Variants in CLYBL observed in about 807,000 individuals in gnomAD.
CLYBL encodes the protein citramalyl-CoA lyase, mitochondrial.
CLYBL carries 31 observed loss-of-function variants against 38.9 expected under a neutral mutation model. That is an observed-to-expected ratio of 0.80 (90% CI 0.60 to 1.08). CLYBL has a LOEUF of 1.08. Among genes scored for constraint, CLYBL ranks in the 50% least tolerant of loss-of-function variants. The pLI is 0.00. For missense variants in CLYBL, 434 were observed against 411.6 expected, an observed-to-expected ratio of 1.05 and a Z score of -0.47; for synonymous variants, 171 against 158.6, an observed-to-expected ratio of 1.08 and a Z score of -0.59.
At chr13:99,802,036 A>G (rs1175238011) in intron 2 of CLYBL, among the ~76,000 whole-genome samples, 1 of 152,164 alleles carries the variant, frequency 6.6e-6, no homozygotes, top group Non-Finnish European at 1.5e-5. Flanking sequence ...AAAAACAAAA[A>G]AACACACATC....
chr13:99,828,790 T>G (rs1351008594), intron 2 of CLYBL, among the ~76,000 whole-genome samples: 1 of 152,216 alleles, frequency 6.6e-6, no homozygotes, highest in Non-Finnish European at 1.5e-5. Context: ...TCTTTTTTTC[T>G]TTCTTGCTCA....
intron 1 of CLYBL, among the ~76,000 whole-genome samples, chr13:99,695,796 G>T (rs570173926): frequency 1.1e-4 from 17 of 152,272 alleles, no homozygotes; most frequent in African/African-American, 4.1e-4. Context: ...GGGATTACAG[G>T]AATGAGCCAC....
chr13:99,673,161 C>T (rs1261545486), intron 1 of CLYBL, among the ~76,000 whole-genome samples: 1 of 152,100 alleles, frequency 6.6e-6, no homozygotes, highest in Non-Finnish European at 1.5e-5. Flanking sequence ...GCCTGTAATC[C>T]CAGCACTTTG....
At chr13:99,683,073 ATGTTT>A (rs1269338511) in intron 1 of CLYBL, among the ~76,000 whole-genome samples, 2 of 146,354 alleles carry the variant, frequency 1.4e-5, no homozygotes, top group African/African-American at 5.1e-5. Flanking sequence ...ATATATATAT[ATGTTT>A]TGTTTTGTTT....
chr13:99,851,738 G>A (rs193202337), intron 2 of CLYBL, among the ~76,000 whole-genome samples: 5 of 152,288 alleles, frequency 3.3e-5, no homozygotes, highest in Admixed American at 2.6e-4. Context: ...CACACAGCTG[G>A]CAGGAGCAGA....
At chr13:99,757,265 A>G (rs141492376) in intron 1 of CLYBL, among the ~76,000 whole-genome samples, 9 of 152,130 alleles carry the variant, frequency 5.9e-5, no homozygotes, top group Non-Finnish European at 1.3e-4. Flanking sequence ...AAGTTTGTGG[A>G]AACCTGATTG....
intron 1 of CLYBL, among the ~76,000 whole-genome samples, chr13:99,767,849 T>C (rs2049298441): frequency 6.6e-6 from 1 of 152,242 alleles, no homozygotes; most frequent in African/African-American, 2.4e-5. Context: ...CATACGTCAT[T>C]ATCTTGATGT....
chr13:99,804,611 A>T (rs2138956945), intron 2 of CLYBL, among the ~76,000 whole-genome samples: 1 of 152,190 alleles, frequency 6.6e-6, no homozygotes, highest in South Asian at 2.1e-4. Context: ...CTGCCTTTAT[A>T]CCTGAAATGT....
At chr13:99,695,804 C>T (rs2047970994) in intron 1 of CLYBL, among the ~76,000 whole-genome samples, 1 of 152,152 alleles carries the variant, frequency 6.6e-6, no homozygotes, top group Non-Finnish European at 1.5e-5. Flanking sequence ...AGGAATGAGC[C>T]ACCGTCCCCA....
intron 2 of CLYBL, among the ~76,000 whole-genome samples, chr13:99,846,286 ATTTTTTTTTT>A (rs5806139): frequency 9.2e-6 from 1 of 108,144 alleles, no homozygotes; most frequent in Non-Finnish European, 1.9e-5. Flanking sequence ...TTGTGTGGAG[ATTTTTTTTTT>A]TTTTTTTTTT....
At chr13:99,852,969 T>G (rs9517899) in intron 2 of CLYBL, among the ~76,000 whole-genome samples, 1 of 152,024 alleles carries the variant, frequency 6.6e-6, no homozygotes, top group Non-Finnish European at 1.5e-5. Context: ...TACTCCTGCA[T>G]GCATATGAAT....
intron 1 of CLYBL, among the ~76,000 whole-genome samples, chr13:99,608,752 A>G (rs1178158235): frequency 1.3e-5 from 2 of 149,822 alleles, no homozygotes; most frequent in African/African-American, 2.5e-5. Flanking sequence ...TCCTTTGAGC[A>G]TTTTAAAGCG....
intron 1 of CLYBL, among the ~76,000 whole-genome samples, chr13:99,767,343 TA>T (rs2049288997): frequency 6.6e-6 from 1 of 152,204 alleles, no homozygotes; most frequent in Non-Finnish European, 1.5e-5. Flanking sequence ...GGGTGGGTAC[TA>T]AAGCCAGCTT....
chr13:99,825,690 G>T (rs565479352), intron 2 of CLYBL, among the ~76,000 whole-genome samples: 72 of 152,312 alleles, frequency 4.7e-4, no homozygotes, highest in African/African-American at 1.7e-3. Flanking sequence ...AGAGCACATC[G>T]TGCTCACAGG....
intron 1 of CLYBL, among the ~76,000 whole-genome samples, chr13:99,759,058 C>G (rs1307312325): frequency 6.6e-6 from 1 of 152,222 alleles, no homozygotes; most frequent in Non-Finnish European, 1.5e-5. Context: ...AGTTGCCTTT[C>G]TGCTCTTCCA....
At chr13:99,880,356 C>T (rs940719048) in intron 7 of CLYBL, among the ~76,000 whole-genome samples, 1 of 152,156 alleles carries the variant, frequency 6.6e-6, no homozygotes, top group African/African-American at 2.4e-5. Flanking sequence ...TGAGCCACTG[C>T]ACCTGGCCCT....
At chr13:99,616,214 C>T (rs1291249711) in intron 1 of CLYBL, among the ~76,000 whole-genome samples, 2 of 141,866 alleles carry the variant, frequency 1.4e-5, no homozygotes, top group African/African-American at 2.6e-5. Flanking sequence ...AGTGGCTATT[C>T]GCAGGTGTTA....
intron 1 of CLYBL, among the ~76,000 whole-genome samples, chr13:99,710,853 T>G (rs2048218689): frequency 6.6e-6 from 1 of 151,362 alleles, no homozygotes; most frequent in Admixed American, 6.6e-5. Context: ...TATCGACAAG[T>G]CTCCTGGCTT....
chr13:99,780,919 G>A (rs1200769849), intron 2 of CLYBL, among the ~76,000 whole-genome samples: 1 of 147,486 alleles, frequency 6.8e-6, no homozygotes, highest in East Asian at 2.1e-4. Flanking sequence ...TCACCATGTT[G>A]GCCAGTCTGG....
Sources: gnomAD v4.1 joint callset for allele counts (sites outside exome capture counted in the v4.1 genomes callset) on GRCh38, gnomAD v4.1.1 for gene constraint, MANE v1.5 for transcripts, NCBI Gene and HGNC (gene_info 2026-07-23, HGNC 2026-07-21) for gene names.